The following SLC25A30 variants were observed in gnomAD, a reference collection of about 807,000 sequenced individuals.
The protein encoded by SLC25A30 is solute carrier family 25 member 30.
In SLC25A30, 29 loss-of-function variants were observed where a neutral mutation model predicts 42.7. The ratio of observed to expected loss-of-function variants is 0.68; its 90% confidence interval spans 0.51 to 0.93. The LOEUF (loss-of-function observed/expected upper bound fraction) is 0.93, where lower values mean the gene tolerates loss of function less well. SLC25A30 is among the 40% of genes least tolerant of loss of function. SLC25A30 has a pLI of 0.00. For synonymous variants in SLC25A30, 124 were observed against 131.0 expected (o/e 0.95, Z 0.37); for missense variants, 300 against 359.7 (o/e 0.83, Z 1.34).
At chr13:45,426,298 G>C in the SLC25A30 span, among the ~76,000 whole-genome samples, 2 of 151,388 alleles carry the variant, frequency 1.3e-5, no homozygotes, top group East Asian at 3.9e-4. Context: ...TGTTGGCTAG[G>C]ATGGTCTCAA....
At chr13:45,402,526 A>C (rs1882095553) in intron 5 of SLC25A30, among the ~76,000 whole-genome samples, 156 bp from the exon 6 acceptor site, 1 of 152,220 alleles carries the variant, frequency 6.6e-6, no homozygotes, top group Non-Finnish European at 1.5e-5. Flanking sequence ...TGCTACCTTA[A>C]AATGACTAAA....
chr13:45,406,543 C>G (rs536489031), intron 3 of SLC25A30, among the ~76,000 whole-genome samples: 1 of 152,238 alleles, frequency 6.6e-6, no homozygotes, highest in Admixed American at 6.5e-5. Flanking sequence ...TTCCTCCATC[C>G]GATATGCCTG....
chr13:45,402,415 A>G (rs751728610), intron 5 of SLC25A30, 45 bp from the exon 6 acceptor site: 15 of 1,488,322 alleles, frequency 1.0e-5, no homozygotes, highest in African/African-American at 1.4e-5. Context: ...AACTACCACA[A>G]TCCCACCCAC....
At chr13:45,408,010 C>T (rs1002119758) in intron 3 of SLC25A30, among the ~76,000 whole-genome samples, 1 of 152,222 alleles carries the variant, frequency 6.6e-6, no homozygotes, top group Non-Finnish European at 1.5e-5. Flanking sequence ...TTCTTTCTCT[C>T]CATGGCAGGC....
chr13:45,407,339 C>T (rs1882610762), intron 3 of SLC25A30, among the ~76,000 whole-genome samples: 1 of 151,942 alleles, frequency 6.6e-6, no homozygotes, highest in African/African-American at 2.4e-5. Flanking sequence ...GCAGAGGTTG[C>T]AGTGAGCCTG....
At chr13:45,396,500 G>T in intron 9 of SLC25A30, 1 of 333,944 alleles carries the variant, frequency 3.0e-6, no homozygotes, top group Non-Finnish European at 4.4e-6. Flanking sequence ...CCTCACGGGC[G>T]CGGTGGCTCA....
upstream of SLC25A30, among the ~76,000 whole-genome samples, chr13:45,423,034 C>A (rs1883927055): frequency 6.6e-6 from 1 of 152,120 alleles, no homozygotes; most frequent in African/African-American, 2.4e-5. Flanking sequence ...GTTTTCTCGA[C>A]AGTCTTCCCA....
rs749526533 is a variant in SLC25A30, at chr13:45,411,371, C to A, written c.55G>T (p.Ala19Ser). The stretch of plus-strand genomic sequence containing the variant: ...ACCCTCAGGTCCTTACCGCACTCAG[C>A]AGTGATGGAGGCCAGCCCCCCGTAC... ...FVYGGLASIT[A>S]ECGTFPIDLT... Residue 19 changes from alanine (A) to serine (S), a missense_variant, in exon 2 of 10, where the codon GCT becomes TCT. Transcript: ENST00000519676. The A allele has an allele frequency of 6.2e-7, 1 of 1,613,606 alleles. No homozygotes were observed. Among genetic ancestry groups the A allele is most frequent in the South Asian group, 1.1e-5 (1 of 91,070 alleles).
Position 45,405,945 on chromosome 13 carries a change from T to C in SLC25A30, c.245A>G (p.Tyr82Cys). The C allele has an allele frequency of 1.9e-6, 3 of 1,614,222 alleles. No homozygotes were observed. The highest frequency in any genetic ancestry group is 1.6e-4 in the Middle Eastern group (1 of 6,062). The change falls in exon 4 of 10, where the codon TAT (tyrosine) becomes TGT (cysteine). Residue 82 changes from tyrosine (Y) to cysteine (C), a missense_variant. Tyr to Cys is a radical substitution (Grantham distance 194). Coordinates refer to ENST00000519676, the MANE Select transcript of SLC25A30 (RefSeq NM_001010875.4). Reference protein sequence around the residue: ...IAPAMLRQASYGTIKIGTYQS... With the variant: ...IAPAMLRQASCGTIKIGTYQS... ...GTAAGTGCCTATCTTGATGGTGCCA[T>C]AGGATGCCTGGCGTAACATCGCGGG...
upstream of SLC25A30, among the ~76,000 whole-genome samples, chr13:45,422,336 G>A (rs550492999): frequency 2.6e-5 from 4 of 152,174 alleles, no homozygotes; most frequent in East Asian, 3.9e-4. Context: ...GGTGGTTGGC[G>A]AAAGGAGGAG....
At chr13:45,411,610 C>G in intron 1 of SLC25A30, 130 bp from the exon 2 acceptor site, 1 of 603,198 alleles carries the variant, frequency 1.7e-6, no homozygotes, top group Non-Finnish European at 3.0e-6. Flanking sequence ...CCAAGGGGAG[C>G]CTCCCCTTAA....
the SLC25A30 span, among the ~76,000 whole-genome samples, chr13:45,431,573 T>A: frequency 1 from 20 of 20 alleles, 10 homozygotes; most frequent in Non-Finnish European, 1. Flanking sequence ...TTATTAGAGA[T>A]GGGTTTCACC....
chr13:45,425,290 G>A, the SLC25A30 span, among the ~76,000 whole-genome samples: 2 of 93,026 alleles, frequency 2.1e-5, no homozygotes, highest in South Asian at 2.9e-4. Flanking sequence ...ATATATGTAC[G>A]TATATATACG....
chr13:45,399,116 C>A, intron 7 of SLC25A30, 38 bp from the exon 8 acceptor site: 1 of 1,544,860 alleles, frequency 6.5e-7, no homozygotes. Context: ...AAAAAGTTAA[C>A]CATCACTGAG....
At chr13:45,409,536 C>A (rs1882822977) in intron 2 of SLC25A30, among the ~76,000 whole-genome samples, 1 of 152,156 alleles carries the variant, frequency 6.6e-6, no homozygotes, top group African/African-American at 2.4e-5. Flanking sequence ...TGGCTAGGCA[C>A]AGTGGCTCAT....
intron 5 of SLC25A30, among the ~76,000 whole-genome samples, chr13:45,403,768 T>G (rs1306810652): frequency 2.0e-5 from 3 of 151,928 alleles, no homozygotes; most frequent in African/African-American, 7.2e-5. Context: ...AAACCCCATC[T>G]CTACTAAAAA....
the SLC25A30 span, among the ~76,000 whole-genome samples, chr13:45,425,751 G>C: frequency 2.4e-4 from 35 of 144,164 alleles, no homozygotes; most frequent in Admixed American, 6.7e-4. Context: ...GGAGGGCAGT[G>C]GTGGGAACTC....
rs1436817669 is a variant in SLC25A30 at position 45,393,952 on chromosome 13, AAAATTGTATGCATATTTGAAAAAGT to A, written c.*1997_*2021del. 4 of 985,036 alleles carry A rather than the reference AAAATTGTATGCATATTTGAAAAAGT, an allele frequency of 4.1e-6. No homozygotes were observed. The highest frequency in any genetic ancestry group is 4.8e-6 in the Non-Finnish European group (4 of 829,660). 61.0% of individuals were successfully genotyped at this position (985,036 alleles called of 1,614,324 possible). On this transcript the variant is annotated 3_prime_UTR_variant, in exon 10 of 10. Coordinates refer to ENST00000519676, the MANE Select transcript of SLC25A30 (RefSeq NM_001010875.4). ...AAATGAATTTGCTTCTACTGTTTTAAAAATTGTATGCATATTTGAAAAAGTAAAATTTTTCTACATTAAAAAAAGA... is the reference window on the plus strand; with the variant it reads ...AAATGAATTTGCTTCTACTGTTTTAAAAAATTTTTCTACATTAAAAAAAGA...
chr13:45,410,415 C>G (rs1882901855), intron 2 of SLC25A30, among the ~76,000 whole-genome samples: 1 of 152,198 alleles, frequency 6.6e-6, no homozygotes, highest in South Asian at 2.1e-4. Context: ...GGTAATAATC[C>G]CAGTACTTTG....
Sources: allele counts gnomAD v4.1 joint callset (sites outside exome capture counted in the v4.1 genomes callset), GRCh38; gene constraint gnomAD v4.1.1; transcripts MANE v1.5; gene names NCBI Gene and HGNC (gene_info 2026-07-23, HGNC 2026-07-21).